The following TPMT variants were observed in gnomAD, a reference collection of about 807,000 sequenced individuals.
TPMT encodes S-adenosyl-L-methionine:thiopurine S-methyltransferase.
Under a neutral mutation model 34.2 loss-of-function variants are expected in TPMT, and 18 were observed. The observed-to-expected ratio is 0.53, with a 90% CI of 0.36 to 0.78. The LOEUF is 0.78. Ranked by LOEUF, TPMT falls within the 30% of genes least tolerant of loss-of-function variation. The pLI is 0.00. For synonymous variants in TPMT, 69 were observed against 92.4 expected (o/e 0.75, Z 1.45); for missense variants, 265 against 288.1 (o/e 0.92, Z 0.58).
intron 4 of TPMT, among the ~76,000 whole-genome samples, chr6:18,142,767 C>A (rs1360604377): frequency 6.6e-6 from 1 of 152,060 alleles, no homozygotes; most frequent in Non-Finnish European, 1.5e-5. Flanking sequence ...TTCTTTCTGC[C>A]CTTCTCATTT....
At position 18,133,878 on chromosome 6, in the gene TPMT, G is replaced by GT. The variant is rs1783992788; in HGVS notation, c.505dup (p.Thr169AsnfsTer20). On this transcript the variant is annotated frameshift_variant, in exon 7 of 9. Transcript: ENST00000309983. LOFTEE classifies it high-confidence loss of function. ...CTTCTTTCCCAGGAGGGAAAACATT[G>GT]TATCTGCATAGCTACAAAGAACACA... 6.2e-7 allele frequency: 1 copy of GT among 1,613,162 alleles called. No homozygotes were observed. Among genetic ancestry groups the GT allele is most frequent in the Non-Finnish European group, 8.5e-7 (1 of 1,179,378 alleles).
rs1054048590 is a variant in TPMT at position 18,140,366 on chromosome 6, C to T, written c.367-649G>A. 6.6e-6 allele frequency among the ~76,000 whole-genome samples: 1 copy of T among 152,196 alleles called. No homozygotes were observed. The highest frequency in any genetic ancestry group is 2.4e-5 in the African/African-American group (1 of 41,434). On this transcript the variant is annotated intron_variant, in intron 4 of 8. Transcript: ENST00000309983. This position sits in a 1 kb window ranked among gnomAD's most constrained non-coding sequence, Gnocchi z 4.7. ...TGAACACAGAAGGCAGAGCAGGGGCCTGCCTGGGAGCATCAGGGAGACTAA... is the reference window on the plus strand; with the variant it reads ...TGAACACAGAAGGCAGAGCAGGGGCTTGCCTGGGAGCATCAGGGAGACTAA...
Position 18,132,491 on chromosome 6 carries a change from C to T in TPMT, c.581-314G>A, listed in dbSNP as rs1469124987. On this transcript the variant is annotated intron_variant, in intron 7 of 8. Transcript: ENST00000309983. This position sits in a 1 kb window ranked among gnomAD's most constrained non-coding sequence, Gnocchi z 4.8. ...TTCTAGCATACTGATTTTCTACCAA[C>T]TCCTGCACTCACCCACATTTTATAC... Among the ~76,000 whole-genome samples, 2 of 152,054 alleles carry T rather than the reference C, an allele frequency of 1.3e-5. No individual in the cohort carries two copies. Among genetic ancestry groups the T allele is most frequent in the Admixed American group, 1.3e-4 (2 of 15,244 alleles).
Position 18,145,806 on chromosome 6 carries a change from C to A in TPMT, c.233+2017G>T, listed in dbSNP as rs1784236948. On this transcript the variant is annotated intron_variant, in intron 3 of 8. Coordinates refer to ENST00000309983, the MANE Select transcript of TPMT (RefSeq NM_000367.5). The surrounding 1 kb of genome is among the most constrained non-coding windows in gnomAD (Gnocchi z 5.6). ...CAACAGATGGAAAAATGAAGCATAGCCTACTACAACCTGTAATAAAAACAA... is the reference window on the plus strand; with the variant it reads ...CAACAGATGGAAAAATGAAGCATAGACTACTACAACCTGTAATAAAAACAA... 6.6e-6 allele frequency among the ~76,000 whole-genome samples: 1 copy of A among 152,060 alleles called. No homozygotes were observed. The highest frequency in any genetic ancestry group is 2.4e-5 in the African/African-American group (1 of 41,380).
rs910788266 is a variant in TPMT at position 18,146,860 on chromosome 6, A to G, written c.233+963T>C. 3.9e-5 allele frequency among the ~76,000 whole-genome samples: 6 copies of G among 152,108 alleles called. No homozygotes were observed. The highest frequency in any genetic ancestry group is 8.8e-5 in the Non-Finnish European group (6 of 68,018). On this transcript the variant is annotated intron_variant, in intron 3 of 8. Transcript: ENST00000309983. The surrounding 1 kb of genome is among the most constrained non-coding windows in gnomAD (Gnocchi z 6.2). ...TTCTATCATCTCTACTTGAAAATCA[A>G]CTCCCAAAAAATGCATGCATACTCT...
At chr6:18,133,355 CA>C (rs200369936) in intron 7 of TPMT, among the ~76,000 whole-genome samples, 1,918 of 152,224 alleles carry the variant, frequency 0.013, 16 homozygotes, top group Non-Finnish European at 0.018. Flanking sequence ...TAAAAAAGGA[CA>C]ATAATTTAGA....
At chr6:18,141,215 G>A (rs1432393979) in intron 4 of TPMT, among the ~76,000 whole-genome samples, 1 of 152,158 alleles carries the variant, frequency 6.6e-6, no homozygotes. Context: ...AGAGGGGCCT[G>A]GAAGCAGGAC....
At position 18,128,941 on chromosome 6, in the gene TPMT, G is replaced by A. The variant is rs912547643; in HGVS notation, c.*1727C>T. ...TGCTTTTCTATTCCCAAGTCCAAAA[G>A]CCTATGAAGAGGGCCAGCGCAATGG... On this transcript the variant is annotated 3_prime_UTR_variant, in exon 9 of 9. Coordinates refer to ENST00000309983, the MANE Select transcript of TPMT (RefSeq NM_000367.5). The surrounding 1 kb of genome is among the most constrained non-coding windows in gnomAD (Gnocchi z 4.6). 1 of 152,220 alleles carries A rather than the reference G, an allele frequency of 6.6e-6. No individual in the cohort carries two copies. Among genetic ancestry groups the A allele is most frequent in the African/African-American group, 2.4e-5 (1 of 41,430 alleles). The allele number at this position is 152,220 out of a possible 1,614,324, so 9.4% of individuals were successfully genotyped here.
In TPMT at chr6:18,149,174, A is replaced by G; in HGVS notation, c.-44-3T>C. The stretch of plus-strand genomic sequence containing the variant: ...TCACAAGCATATGTCTTCCGTGCCT[A>G]CGTGGAAAATATTTGCAATGTTGTC... On this transcript the variant is annotated splice_region_variant and splice_polypyrimidine_tract_variant and intron_variant, in intron 1 of 8. Transcript: ENST00000309983. This position sits in a 1 kb window ranked among gnomAD's most constrained non-coding sequence, Gnocchi z 5.0. 2 of 1,613,022 alleles carry G rather than the reference A, an allele frequency of 1.2e-6. No homozygotes were observed. The highest frequency in any genetic ancestry group is 1.7e-6 in the Non-Finnish European group (2 of 1,179,674).
rs2150719329 is a variant in TPMT at position 18,149,276 on chromosome 6, T to C, written c.-44-105A>G. On this transcript the variant is annotated intron_variant, in intron 1 of 8. Coordinates refer to ENST00000309983, the MANE Select transcript of TPMT (RefSeq NM_000367.5). The surrounding 1 kb of genome is among the most constrained non-coding windows in gnomAD (Gnocchi z 5.0). ...TTAGCAGTATGACTTTTTAAAAATA[T>C]TTCTTTCTTTTTTTATTTCTGGTTT... The C allele has an allele frequency of 1.9e-5, 20 of 1,032,818 alleles. No individual in the cohort carries two copies. In the South Asian group the frequency reaches 2.7e-4, roughly 14 times the overall value. 64.0% of individuals were successfully genotyped at this position (1,032,818 alleles called of 1,614,324 possible).
In TPMT at chr6:18,145,771, A is replaced by G. The variant is rs1179774336; in HGVS notation, c.234-2043T>C. Among the ~76,000 whole-genome samples the G allele has an allele frequency of 6.6e-6, 1 of 152,196 alleles. No homozygotes were observed. Among genetic ancestry groups the G allele is most frequent in the Admixed American group, 6.5e-5 (1 of 15,276 alleles). ...ATTCAAATTGGCTGTATGTGTTTTT[A>G]TTTCCCATTCAACAGATGGAAAAAT... On this transcript the variant is annotated intron_variant, in intron 3 of 8. Transcript: ENST00000309983. This position sits in a 1 kb window ranked among gnomAD's most constrained non-coding sequence, Gnocchi z 5.6.
chr6:18,133,116 C>T (rs552833148), intron 7 of TPMT, among the ~76,000 whole-genome samples: 28 of 152,030 alleles, frequency 1.8e-4, no homozygotes, highest in Admixed American at 7.2e-4. Flanking sequence ...AACAAAAAAA[C>T]CAAAATACTA....
Position 18,136,214 on chromosome 6 carries a change from C to G in TPMT, c.495-2325G>C, listed in dbSNP as rs1230291106. ...AGTGGGAAACACCTACAAATTTAGACATTAGCAGATGGGGTTTCATATACA... is the reference window on the plus strand; with the variant it reads ...AGTGGGAAACACCTACAAATTTAGAGATTAGCAGATGGGGTTTCATATACA... On this transcript the variant is annotated intron_variant, in intron 6 of 8. Coordinates refer to ENST00000309983, the MANE Select transcript of TPMT (RefSeq NM_000367.5). This position sits in a 1 kb window ranked among gnomAD's most constrained non-coding sequence, Gnocchi z 4.7. 6.6e-6 allele frequency among the ~76,000 whole-genome samples: 1 copy of G among 151,864 alleles called. No homozygotes were observed. The highest frequency in any genetic ancestry group is 1.5e-5 in the Non-Finnish European group (1 of 67,994).
Position 18,140,365 on chromosome 6 carries a change from C to A in TPMT, c.367-648G>T, listed in dbSNP as rs1008949648. Among the ~76,000 whole-genome samples the A allele has an allele frequency of 6.6e-6, 1 of 152,192 alleles. No homozygotes were observed. Among genetic ancestry groups the A allele is most frequent in the Admixed American group, 6.5e-5 (1 of 15,280 alleles). On this transcript the variant is annotated intron_variant, in intron 4 of 8. Transcript: ENST00000309983. This position sits in a 1 kb window ranked among gnomAD's most constrained non-coding sequence, Gnocchi z 4.7. ...GTGAACACAGAAGGCAGAGCAGGGG[C>A]CTGCCTGGGAGCATCAGGGAGACTA...
rs1180213829 is a variant in TPMT, at chr6:18,130,610, C to T, written c.*58G>A. 1.8e-6 allele frequency: 2 copies of T among 1,135,896 alleles called. No individual in the cohort carries two copies. The highest frequency in any genetic ancestry group is 3.1e-5 in the African/African-American group (2 of 65,464). 70.4% of individuals were successfully genotyped at this position (1,135,896 alleles called of 1,614,324 possible). On this transcript the variant is annotated 3_prime_UTR_variant, in exon 9 of 9. Coordinates refer to ENST00000309983, the MANE Select transcript of TPMT (RefSeq NM_000367.5). This position sits in a 1 kb window ranked among gnomAD's most constrained non-coding sequence, Gnocchi z 4.2. ...CATCCATTACATTTTCAGGCTTTAG[C>T]ATAATTTTCAATTCCTCAAAAACAT...
rs1039290521 is a variant in TPMT, at chr6:18,129,592, C to A, written c.*1076G>T. Reference sequence around the variant, plus strand: ...ATAACAAAATGTGGTTAAAGAAGAACTGAGAAATCTAACCTTTCATAATAA... The same window carrying A: ...ATAACAAAATGTGGTTAAAGAAGAAATGAGAAATCTAACCTTTCATAATAA... On this transcript the variant is annotated 3_prime_UTR_variant, in exon 9 of 9. Transcript: ENST00000309983. 6.6e-6 allele frequency: 1 copy of A among 152,132 alleles called. No individual in the cohort carries two copies. Among genetic ancestry groups the A allele is most frequent in the Non-Finnish European group, 1.5e-5 (1 of 68,038 alleles). 9.4% of individuals were successfully genotyped at this position (152,132 alleles called of 1,614,324 possible).
At chr6:18,141,988 C>A (rs562893250) in intron 4 of TPMT, among the ~76,000 whole-genome samples, 220 of 152,164 alleles carry the variant, frequency 1.4e-3, no homozygotes, top group Non-Finnish European at 2.2e-3. Context: ...GGGAAGAGTT[C>A]ATTTGCATAA....
chr6:18,131,484 G>A lies in TPMT; in HGVS notation c.625+649C>T, dbSNP rs1330738862. 6.6e-6 allele frequency among the ~76,000 whole-genome samples: 1 copy of A among 152,138 alleles called. No individual in the cohort carries two copies. Among genetic ancestry groups the A allele is most frequent in the East Asian group, 1.9e-4 (1 of 5,192 alleles). On this transcript the variant is annotated intron_variant, in intron 8 of 8. Coordinates refer to ENST00000309983, the MANE Select transcript of TPMT (RefSeq NM_000367.5). This position sits in a 1 kb window ranked among gnomAD's most constrained non-coding sequence, Gnocchi z 4.3. ...GGTCCCAGAAACTTGGGAGGCTGAG[G>A]TGGGAGGATCACTTGTGCCCAGGGA... is the stretch of plus-strand genomic sequence containing the variant.
At position 18,130,424 on chromosome 6, in the gene TPMT, G is replaced by A. The variant is rs919082411; in HGVS notation, c.*244C>T. On this transcript the variant is annotated 3_prime_UTR_variant, in exon 9 of 9. Transcript: ENST00000309983. This position sits in a 1 kb window ranked among gnomAD's most constrained non-coding sequence, Gnocchi z 4.2. ...ATCTTGCAATCTGCAAGACACATAG[G>A]CATAATCTTTCACATCATAATCTCC... 2 of 456,420 alleles carry A rather than the reference G, an allele frequency of 4.4e-6. No homozygotes were observed. The highest frequency in any genetic ancestry group is 7.3e-5 in the Admixed American group (2 of 27,304). The allele number at this position is 456,420 out of a possible 1,614,324, so 28.3% of individuals were successfully genotyped here.
Sources: gnomAD v4.1 joint callset for allele counts (sites outside exome capture counted in the v4.1 genomes callset) on GRCh38, gnomAD v4.1.1 for gene constraint, Gnocchi (gnomAD v3.1) non-coding constraint, MANE v1.5 for transcripts, NCBI Gene and HGNC (gene_info 2026-07-23, HGNC 2026-07-21) for gene names.